Variants in MGST1 observed in about 807,000 individuals in gnomAD.
MGST1 encodes microsomal glutathione S-transferase 1.
MGST1 carries 5 observed loss-of-function variants against 8.9 expected under a neutral mutation model. The observed-to-expected ratio is 0.56, with a 90% CI of 0.29 to 1.19. The LOEUF (loss-of-function observed/expected upper bound fraction) is 1.19. Ranked by LOEUF, MGST1 falls within the 50% of genes most tolerant of loss-of-function variation. The pLI is 0.08. For missense variants in MGST1, 182 were observed against 187.4 expected, an observed-to-expected ratio of 0.97 and a Z score of 0.17; for synonymous variants, 54 against 67.8, an observed-to-expected ratio of 0.80 and a Z score of 1.00.
At chr12:16,456,594 G>A (rs1388158950) in intron 4 of MGST1, among the ~76,000 whole-genome samples, 5 of 151,840 alleles carry the variant, frequency 3.3e-5, no homozygotes, top group African/African-American at 4.8e-5. Context: ...TACAATAAAC[G>A]TCTTTTTCAA....
At chr12:16,510,396 G>A (rs1365212693) in intron 4 of MGST1, among the ~76,000 whole-genome samples, 1 of 152,186 alleles carries the variant, frequency 6.6e-6, no homozygotes, top group Admixed American at 6.5e-5. Flanking sequence ...CTATTATGAG[G>A]ACAGCATTTG....
chr12:16,479,235 C>T (rs1459666554), intron 4 of MGST1, among the ~76,000 whole-genome samples: 17 of 112,038 alleles, frequency 1.5e-4, no homozygotes, highest in South Asian at 2.9e-4. Flanking sequence ...TAGACTGTAT[C>T]TTTTTTTTTT....
chr12:16,387,765 A>G (rs1387549464), intron 1 of MGST1, among the ~76,000 whole-genome samples: 3 of 152,046 alleles, frequency 2.0e-5, no homozygotes, highest in Non-Finnish European at 2.9e-5. Flanking sequence ...TGACCTCATG[A>G]TCTGCCCGCC....
chr12:16,491,310 A>G (rs1422651412), intron 4 of MGST1, among the ~76,000 whole-genome samples: 1 of 152,208 alleles, frequency 6.6e-6, no homozygotes, highest in Non-Finnish European at 1.5e-5. Context: ...CTGGAAATAA[A>G]TGATCTCTGC....
chr12:16,478,995 C>T (rs1216622084), intron 4 of MGST1, among the ~76,000 whole-genome samples: 1 of 152,018 alleles, frequency 6.6e-6, no homozygotes, highest in African/African-American at 2.4e-5. Context: ...AAGCACCAAC[C>T]TGCATTGTGT....
exon 4 of MGST1, chr12:16,376,260 C>T: frequency 3.4e-6 from 2 of 589,488 alleles, no homozygotes; most frequent in Non-Finnish European, 5.9e-6. Flanking sequence ...ATCTTTTCAA[C>T]ATCTAATGAG....
intron 1 of MGST1, among the ~76,000 whole-genome samples, chr12:16,385,430 A>C (rs904210841): frequency 7.9e-6 from 1 of 126,940 alleles, no homozygotes; most frequent in Admixed American, 8.4e-5. Context: ...ATTTGTGTGC[A>C]TGAATTGTAT....
At chr12:16,396,476 G>A (rs887442540) in intron 1 of MGST1, among the ~76,000 whole-genome samples, 4 of 152,100 alleles carry the variant, frequency 2.6e-5, no homozygotes, top group African/African-American at 4.8e-5. Flanking sequence ...TATCCAAATC[G>A]GTAAAGAGGA....
intron 4 of MGST1, among the ~76,000 whole-genome samples, chr12:16,457,436 G>A (rs1336919704): frequency 6.6e-6 from 1 of 151,906 alleles, no homozygotes; most frequent in Non-Finnish European, 1.5e-5. Flanking sequence ...CTTGGAAGAG[G>A]CACAGTAGGA....
In MGST1 at chr12:16,350,187, G is replaced by A. The variant is rs568595822; in HGVS notation, c.-23+2477G>A. Among the ~76,000 whole-genome samples the A allele has an allele frequency of 5.9e-5, 9 of 152,266 alleles. No individual in the cohort carries two copies. In the East Asian group the frequency reaches 1.4e-3, roughly 23 times the overall value. On this transcript the variant is annotated intron_variant, in intron 1 of 3. Transcript: ENST00000396210. ...TAAGTGGCAGGGTCGAGATCCACCC[G>A]AATGCCAATCTAGTTCCAGAGTTTT...
chr12:16,431,575 C>A (rs1003179492), intron 1 of MGST1, among the ~76,000 whole-genome samples: 5 of 151,858 alleles, frequency 3.3e-5, no homozygotes, highest in Non-Finnish European at 7.4e-5. Context: ...ACAGGTGGAG[C>A]AATCAGAACC....
At position 16,497,725 on chromosome 12, in the gene MGST1, A is replaced by T. The variant is rs572682244; in HGVS notation, n.483-91803A>T. ...ACCTATAACCATTTTTCACCTGTTAATCGTTCTGGTTGTAGCCATTTTTAC... is the reference window on the plus strand; with the variant it reads ...ACCTATAACCATTTTTCACCTGTTATTCGTTCTGGTTGTAGCCATTTTTAC... On this transcript the variant is annotated intron_variant and non_coding_transcript_variant, in intron 4 of 4. Coordinates refer to the MGST1 transcript ENST00000538857. This position sits in a 1 kb window ranked among gnomAD's most constrained non-coding sequence, Gnocchi z 4.4. Among the ~76,000 whole-genome samples the T allele has an allele frequency of 6.9e-4, 105 of 152,218 alleles. No individual in the cohort carries two copies. The highest frequency in any genetic ancestry group is 1.4e-3 in the Non-Finnish European group (92 of 67,984).
intron 1 of MGST1, among the ~76,000 whole-genome samples, chr12:16,417,648 T>C (rs1205508804): frequency 6.6e-6 from 1 of 152,110 alleles, no homozygotes; most frequent in Non-Finnish European, 1.5e-5. Flanking sequence ...TGAAGTTTGA[T>C]AGTCTAACCA....
chr12:16,558,991 T>C (rs1942293729), intron 4 of MGST1, among the ~76,000 whole-genome samples: 1 of 152,118 alleles, frequency 6.6e-6, no homozygotes, highest in Non-Finnish European at 1.5e-5. Context: ...TCAGCTAATA[T>C]ATGGTGGTGC....
intron 4 of MGST1, among the ~76,000 whole-genome samples, chr12:16,470,124 C>G (rs1037874742): frequency 3.9e-5 from 6 of 152,076 alleles, no homozygotes; most frequent in Admixed American, 1.3e-4. Context: ...GTATTATTTT[C>G]TCCACATTGG....
rs1279247920 is a variant in MGST1, at chr12:16,537,980, C to CA, written n.483-51542dup. On this transcript the variant is annotated intron_variant and non_coding_transcript_variant, in intron 4 of 4. Coordinates refer to the MGST1 transcript ENST00000538857. This position sits in a 1 kb window ranked among gnomAD's most constrained non-coding sequence, Gnocchi z 4.6. ...TCTGCAGCCAGCTTGAATTTCTTCT[C>CA]AAAAAATGGGTTGTTCTTTTCTACT... 1.3e-5 allele frequency among the ~76,000 whole-genome samples: 2 copies of CA among 152,206 alleles called. No individual in the cohort carries two copies. Among genetic ancestry groups the CA allele is most frequent in the Admixed American group, 1.3e-4 (2 of 15,298 alleles).
chr12:16,431,641 A>G (rs1940940661), intron 1 of MGST1, among the ~76,000 whole-genome samples: 1 of 152,146 alleles, frequency 6.6e-6, no homozygotes, highest in Non-Finnish European at 1.5e-5. Context: ...GAATTGCAAT[A>G]GTAACATCAG....
At chr12:16,380,689 G>C (rs558561868), downstream of MGST1, among the ~76,000 whole-genome samples, 150 of 152,224 alleles carry the variant, frequency 9.9e-4, no homozygotes, top group Non-Finnish European at 1.8e-3. Flanking sequence ...TTCAATTCCT[G>C]GGTATCCTTG....
chr12:16,372,741 AG>A (rs2137025349), intron 3 of MGST1, among the ~76,000 whole-genome samples: 1 of 151,928 alleles, frequency 6.6e-6, no homozygotes, highest in Admixed American at 6.6e-5. Context: ...CGTGTATTAC[AG>A]CACTATTACC....
Sources: allele counts gnomAD v4.1 joint callset (sites outside exome capture counted in the v4.1 genomes callset), GRCh38; gene constraint gnomAD v4.1.1; non-coding constraint Gnocchi (gnomAD v3.1); transcripts MANE v1.5; gene names NCBI Gene and HGNC (gene_info 2026-07-23, HGNC 2026-07-21).